Variants in GALNTL6 observed in about 807,000 individuals in gnomAD.
GALNTL6 encodes the protein polypeptide N-acetylgalactosaminyltransferase like 6, also known as polypeptide N-acetylgalactosaminyltransferase-like 6.
Under a neutral mutation model 73.7 loss-of-function variants are expected in GALNTL6, and 46 were observed. The observed-to-expected ratio is 0.62, with a 90% CI of 0.49 to 0.80. The LOEUF is 0.80. Ranked by LOEUF, GALNTL6 falls within the 30% of genes least tolerant of loss-of-function variation. The probability of loss-of-function intolerance (pLI) is 0.00; values close to 1 mark genes in which losing one functional copy is unlikely to be tolerated. For synonymous variants in GALNTL6, 259 were observed against 263.7 expected, an observed-to-expected ratio of 0.98 and a Z score of 0.17; for missense variants, 604 against 755.0, an observed-to-expected ratio of 0.80 and a Z score of 2.34.
chr4:172,311,796 T>A, intron 4 of GALNTL6, 44 bp downstream of exon 4: 1 of 1,369,992 alleles, frequency 7.3e-7, no homozygotes, highest in East Asian at 2.5e-5. Context: ...TTTTTTGGTT[T>A]TTTTTGTCCT....
chr4:171,901,654 G>A (rs893359131), intron 2 of GALNTL6, among the ~76,000 whole-genome samples: 1 of 152,134 alleles, frequency 6.6e-6, no homozygotes, highest in Non-Finnish European at 1.5e-5. Context: ...CAGATCCCTG[G>A]AGCTGCAGAT....
chr4:172,195,567 A>G (rs549556834), intron 2 of GALNTL6, among the ~76,000 whole-genome samples: 1 of 152,328 alleles, frequency 6.6e-6, no homozygotes, highest in Non-Finnish European at 1.5e-5. Flanking sequence ...ATGCAAAAGA[A>G]CTGAAAGCAT....
chr4:172,945,329 T>A (rs1181837544), intron 9 of GALNTL6, among the ~76,000 whole-genome samples: 1 of 152,156 alleles, frequency 6.6e-6, no homozygotes, highest in East Asian at 1.9e-4. Context: ...CCTTTGCAGG[T>A]GATGGACATG....
intron 2 of GALNTL6, among the ~76,000 whole-genome samples, chr4:172,086,885 G>C (rs1732048837): frequency 6.6e-6 from 1 of 151,776 alleles, no homozygotes; most frequent in Admixed American, 6.6e-5. Context: ...AAAAATATTC[G>C]GAAATTTTAC....
chr4:171,968,840 GT>G (rs1392426537), intron 2 of GALNTL6, among the ~76,000 whole-genome samples: 1 of 140,976 alleles, frequency 7.1e-6, no homozygotes, highest in African/African-American at 2.6e-5. Context: ...TTTGTGCGGG[GT>G]GGGGGGGGGG....
intron 4 of GALNTL6, among the ~76,000 whole-genome samples, chr4:172,339,792 G>A (rs1002557017): frequency 6.6e-6 from 1 of 152,176 alleles, no homozygotes; most frequent in African/African-American, 2.4e-5. Context: ...ATTGAGACTT[G>A]ACTCACTTTT....
chr4:172,643,683 G>A (rs1740093076), intron 5 of GALNTL6, among the ~76,000 whole-genome samples: 1 of 151,922 alleles, frequency 6.6e-6, no homozygotes, highest in Non-Finnish European at 1.5e-5. Context: ...TAATCCTAGT[G>A]TCTGGCAATT....
intron 2 of GALNTL6, among the ~76,000 whole-genome samples, chr4:171,911,450 C>T (rs1408589545): frequency 6.6e-6 from 1 of 152,238 alleles, no homozygotes; most frequent in African/African-American, 2.4e-5. Context: ...CTGCGCCCAG[C>T]CCCTCCGCTA....
intron 2 of GALNTL6, among the ~76,000 whole-genome samples, chr4:172,047,375 A>T (rs1579086737): frequency 1.3e-5 from 2 of 152,250 alleles, no homozygotes; most frequent in Non-Finnish European, 2.9e-5. Flanking sequence ...AAATACCGTA[A>T]ACATTTATTA....
chr4:172,569,594 A>C (rs535803133), intron 5 of GALNTL6, among the ~76,000 whole-genome samples: 23 of 152,334 alleles, frequency 1.5e-4, no homozygotes, highest in South Asian at 4.1e-4. Flanking sequence ...CGGCATCAAC[A>C]GCAGCCTTAT....
intron 2 of GALNTL6, among the ~76,000 whole-genome samples, chr4:172,177,854 T>TACAC (rs1735096850): frequency 6.9e-6 from 1 of 143,930 alleles, no homozygotes; most frequent in Non-Finnish European, 1.5e-5. Context: ...TGTATATATA[T>TACAC]ACACACATAC....
rs569380024 is a variant in GALNTL6 at position 172,921,928 on chromosome 4, A to G, written c.1042-9233A>G. Among the ~76,000 whole-genome samples the G allele has an allele frequency of 5.3e-5, 8 of 152,274 alleles. No individual in the cohort carries two copies. The East Asian group carries it at 1.5e-3, about 29-fold the overall frequency. Reference sequence around the variant, plus strand: ...TAAAATATTTCTCTAAGAGTTAACTACTAAAGTATGGAGATATGGTTTGAC... The same window carrying G: ...TAAAATATTTCTCTAAGAGTTAACTGCTAAAGTATGGAGATATGGTTTGAC... On this transcript the variant is annotated intron_variant, in intron 8 of 12. Coordinates refer to ENST00000506823, the MANE Select transcript of GALNTL6 (RefSeq NM_001034845.3).
intron 7 of GALNTL6, among the ~76,000 whole-genome samples, chr4:172,871,046 C>A (rs1210524152): frequency 6.6e-6 from 1 of 152,158 alleles, no homozygotes; most frequent in Admixed American, 6.5e-5. Flanking sequence ...GAGGCTACAA[C>A]TACAAATGCC....
At chr4:171,847,496 T>G (rs1002769208) in intron 2 of GALNTL6, among the ~76,000 whole-genome samples, 4 of 152,184 alleles carry the variant, frequency 2.6e-5, no homozygotes, top group African/African-American at 9.7e-5. Flanking sequence ...TTGATTTTGA[T>G]GGACTTGTCC....
intron 5 of GALNTL6, among the ~76,000 whole-genome samples, chr4:172,361,697 G>C (rs1332974491): frequency 1.3e-5 from 2 of 152,138 alleles, no homozygotes; most frequent in Non-Finnish European, 2.9e-5. Flanking sequence ...GGCATAAAAT[G>C]GGGGCACATT....
chr4:172,867,770 A>G (rs1169618336), intron 7 of GALNTL6, among the ~76,000 whole-genome samples: 1 of 152,230 alleles, frequency 6.6e-6, no homozygotes, highest in Non-Finnish European at 1.5e-5. Context: ...CAGCAAAATT[A>G]ATGGCTTTCT....
chr4:172,120,314 C>T (rs367798441), intron 2 of GALNTL6, among the ~76,000 whole-genome samples: 2 of 152,218 alleles, frequency 1.3e-5, no homozygotes, highest in African/African-American at 2.4e-5. Context: ...TAAAATGAAT[C>T]TTATGGGATT....
intron 7 of GALNTL6, among the ~76,000 whole-genome samples, chr4:172,842,035 G>A (rs887521086): frequency 1.3e-5 from 2 of 152,086 alleles, no homozygotes; most frequent in African/African-American, 4.8e-5. Context: ...GGCCAGGCTT[G>A]GTTATTCCCA....
chr4:172,093,308 A>C (rs1732257935), intron 2 of GALNTL6, among the ~76,000 whole-genome samples: 1 of 152,160 alleles, frequency 6.6e-6, no homozygotes, highest in African/African-American at 2.4e-5. Flanking sequence ...TGCTTATAAT[A>C]ATCTAATTTT....
Sources: gnomAD v4.1 joint callset for allele counts (sites outside exome capture counted in the v4.1 genomes callset) on GRCh38, gnomAD v4.1.1 for gene constraint, MANE v1.5 for transcripts, NCBI Gene and HGNC (gene_info 2026-07-23, HGNC 2026-07-21) for gene names.